The following IPP variants were observed in gnomAD, a reference collection of about 807,000 sequenced individuals.
IPP encodes actin-binding protein IPP.
Under a neutral mutation model 64.1 loss-of-function variants are expected in IPP, and 41 were observed. That is an observed-to-expected ratio of 0.64 (90% CI 0.50 to 0.83). The LOEUF (loss-of-function observed/expected upper bound fraction) is 0.83. IPP is among the 40% of genes least tolerant of loss of function. The probability of loss-of-function intolerance (pLI) is 0.00; values close to 1 mark genes in which losing one functional copy is unlikely to be tolerated. For synonymous variants in IPP, 214 were observed against 235.2 expected (o/e 0.91, Z 0.83); for missense variants, 649 against 703.0 (o/e 0.92, Z 0.87).
At chr1:45,709,432 CAA>C (rs71058701) in intron 8 of IPP, among the ~76,000 whole-genome samples, 3 of 66,180 alleles carry the variant, frequency 4.5e-5, no homozygotes, top group African/African-American at 7.6e-5. Context: ...GACTCCGTCT[CAA>C]AAAAAAAAAA....
intron 7 of IPP, 135 bp downstream of exon 7, chr1:45,716,760 C>A: frequency 4.9e-6 from 3 of 617,934 alleles, no homozygotes; most frequent in South Asian, 2.8e-5. Flanking sequence ...AGGTAAAAAG[C>A]AGAACTTCTA....
chr1:45,711,450 A>G (rs1645589611), intron 8 of IPP, among the ~76,000 whole-genome samples: 1 of 151,638 alleles, frequency 6.6e-6, no homozygotes, highest in Non-Finnish European at 1.5e-5. Flanking sequence ...CCATGAAAAC[A>G]CTAATGAAAA....
At chr1:45,715,980 T>C (rs537625476) in intron 7 of IPP, among the ~76,000 whole-genome samples, 1 of 152,324 alleles carries the variant, frequency 6.6e-6, no homozygotes, top group East Asian at 1.9e-4. Flanking sequence ...TAGGCTGTCA[T>C]ACAACAATGG....
chr1:45,739,286 A>G (rs558747990), intron 3 of IPP, among the ~76,000 whole-genome samples: 57 of 152,142 alleles, frequency 3.7e-4, no homozygotes, highest in Non-Finnish European at 7.4e-4. Flanking sequence ...TAGGCTGGAG[A>G]GCAATGGCAC....
Position 45,745,653 on chromosome 1 carries a change from TC to T in IPP, c.292+466del, listed in dbSNP as rs1646123409. On this transcript the variant is annotated intron_variant, in intron 2 of 8. Coordinates refer to ENST00000396478, the MANE Select transcript of IPP (RefSeq NM_005897.3). ...GCGGGCGGATCATGAGGTCAGGAGA[TC>T]GAGACAATCCTGGCTAACACAGTGA... Among the ~76,000 whole-genome samples the T allele has an allele frequency of 3.3e-5, 5 of 151,250 alleles. No individual in the cohort carries two copies. In the South Asian group the frequency reaches 1.0e-3, roughly 31 times the overall value.
chr1:45,701,419 C>T (rs182816081), intron 8 of IPP, among the ~76,000 whole-genome samples: 1 of 152,296 alleles, frequency 6.6e-6, no homozygotes, highest in African/African-American at 2.4e-5. Context: ...TCCTGAGTAG[C>T]TGGGATTACA....
chr1:45,725,541 G>A (rs1645811281), intron 5 of IPP, among the ~76,000 whole-genome samples: 1 of 138,310 alleles, frequency 7.2e-6, no homozygotes, highest in African/African-American at 2.6e-5. Flanking sequence ...GCCCCTACTG[G>A]GAAGTGAGGA....
chr1:45,747,789 C>G (rs1646157721), intron 1 of IPP, among the ~76,000 whole-genome samples: 2 of 140,480 alleles, frequency 1.4e-5, no homozygotes, highest in African/African-American at 5.3e-5. Flanking sequence ...GATCACACCA[C>G]TGCCCTCCGC....
chr1:45,747,491 A>T (rs537297878), intron 1 of IPP, among the ~76,000 whole-genome samples: 1 of 152,236 alleles, frequency 6.6e-6, no homozygotes, highest in East Asian at 1.9e-4. Flanking sequence ...ATCACACTGC[A>T]TAGGAATTAT....
chr1:45,731,351 G>A (rs796266424), intron 3 of IPP, among the ~76,000 whole-genome samples: 11 of 152,266 alleles, frequency 7.2e-5, no homozygotes, highest in African/African-American at 2.6e-4. Context: ...TGAGGAGGGA[G>A]GATCACTTGA....
Position 45,741,049 on chromosome 1 carries a change from A to C in IPP, c.576T>G (p.Leu192=). 3 of 1,614,094 alleles carry C rather than the reference A, an allele frequency of 1.9e-6. No homozygotes were observed. The highest frequency in any genetic ancestry group is 1.7e-6 in the Non-Finnish European group (2 of 1,179,960). ...AGACCTGGTATTCATCCTCAATGCTAAGCTCTTCACTTCGCAAAATTTTGA... is the reference window on the plus strand; with the variant it reads ...AGACCTGGTATTCATCCTCAATGCTCAGCTCTTCACTTCGCAAAATTTTGA... ...QLIKILRSEE[L]SIEDEYQVFL... The change falls in exon 3 of 9, where the codon CTT becomes CTG. Residue 192 remains leucine (L), a synonymous_variant. Coordinates refer to ENST00000396478, the MANE Select transcript of IPP (RefSeq NM_005897.3).
At chr1:45,715,583 C>G (rs1233398397) in intron 7 of IPP, among the ~76,000 whole-genome samples, 1 of 149,464 alleles carries the variant, frequency 6.7e-6, no homozygotes, top group Admixed American at 6.7e-5. Flanking sequence ...AGAGCTTGCA[C>G]TGAGCCAAGA....
intron 8 of IPP, among the ~76,000 whole-genome samples, chr1:45,711,889 A>G (rs1486081802): frequency 6.6e-6 from 1 of 152,250 alleles, no homozygotes; most frequent in African/African-American, 2.4e-5. Context: ...ATGTGAAGCT[A>G]AACCTGACAG....
In IPP at chr1:45,719,235, A is replaced by T. The variant is rs1645700192; in HGVS notation, c.1154T>A (p.Val385Glu). The change falls in exon 6 of 9, where the codon GTG becomes GAG. Residue 385 changes from valine (V) to glutamate (E), a missense_variant. By Grantham distance (121) the Val-to-Glu change is moderately radical. Coordinates refer to ENST00000396478, the MANE Select transcript of IPP (RefSeq NM_005897.3). The stretch of plus-strand genomic sequence containing the variant: ...ATAGATAGCCCCATAACACACACAC[A>T]CTCCTAAGCCGCAGCGGGGATGATT... ...SMNHPRCGLG[V>E]CVCYGAIYAL... 2.5e-6 allele frequency: 4 copies of T among 1,613,516 alleles called. No individual in the cohort carries two copies. Among genetic ancestry groups the T allele is most frequent in the Non-Finnish European group, 2.5e-6 (3 of 1,179,798 alleles).
intron 8 of IPP, among the ~76,000 whole-genome samples, chr1:45,706,541 C>A (rs953166479): frequency 1.3e-5 from 2 of 152,144 alleles, no homozygotes; most frequent in African/African-American, 4.8e-5. Context: ...CCTCTGCCTT[C>A]CAGGTTGAAA....
rs1646086319 is a variant in IPP at position 45,742,971 on chromosome 1, T to C, written c.293-1639A>G. On this transcript the variant is annotated intron_variant, in intron 2 of 8. Transcript: ENST00000396478. ...TATTTTTTTCGAGACAGAGTCTCAC[T>C]ATGTCACCCAGGTTGGAGTATAGTG... Among the ~76,000 whole-genome samples, 7 of 152,006 alleles carry C rather than the reference T, an allele frequency of 4.6e-5. 1 individual carries two copies. In the South Asian group the frequency reaches 1.0e-3, roughly 22 times the overall value.
At chr1:45,715,379 C>T (rs1022856883) in intron 7 of IPP, among the ~76,000 whole-genome samples, 4 of 151,792 alleles carry the variant, frequency 2.6e-5, no homozygotes, top group Admixed American at 6.6e-5. Flanking sequence ...CGGTGGCTCA[C>T]GCCTGTAATC....
At chr1:45,709,817 G>T (rs1569961622) in intron 8 of IPP, among the ~76,000 whole-genome samples, 1 of 16,064 alleles carries the variant, frequency 6.2e-5, no homozygotes, top group Non-Finnish European at 1.1e-4. Flanking sequence ...AAGAGAGCAA[G>T]ACTCTGTCTA....
At chr1:45,739,475 G>T (rs887154396) in intron 3 of IPP, among the ~76,000 whole-genome samples, 10 of 115,636 alleles carry the variant, frequency 8.6e-5, no homozygotes, top group Non-Finnish European at 1.6e-4. Context: ...GGCTGGTCTT[G>T]AATTCTTGTG....
Sources: allele counts gnomAD v4.1 joint callset (sites outside exome capture counted in the v4.1 genomes callset), GRCh38; gene constraint gnomAD v4.1.1; transcripts MANE v1.5; gene names NCBI Gene and HGNC (gene_info 2026-07-23, HGNC 2026-07-21).